The following BBS9 variants were observed in gnomAD, a reference collection of about 807,000 sequenced individuals.
BBS9 encodes Bardet-Biedl syndrome 9.
A neutral mutation model predicts 117.7 loss-of-function variants in BBS9; 89 were observed. That is an observed-to-expected ratio of 0.76 (90% CI 0.64 to 0.90). The LOEUF (loss-of-function observed/expected upper bound fraction) is 0.90. BBS9 is among the 40% of genes least tolerant of loss of function. The probability of loss-of-function intolerance (pLI) is 0.00; values close to 1 mark genes in which losing one functional copy is unlikely to be tolerated. For synonymous variants in BBS9, 379 were observed against 370.9 expected, an observed-to-expected ratio of 1.02 and a Z score of -0.25; for missense variants, 982 against 1,042.2, an observed-to-expected ratio of 0.94 and a Z score of 0.80.
intron 19 of BBS9, among the ~76,000 whole-genome samples, chr7:33,490,019 T>C (rs904064148): frequency 1.2e-4 from 19 of 152,224 alleles, no homozygotes; most frequent in Admixed American, 3.3e-4. Context: ...AGATTTCTAG[T>C]AAATGGATTC....
downstream of BBS9, among the ~76,000 whole-genome samples, chr7:33,635,663 G>GT (rs1866107447): frequency 2.0e-5 from 3 of 152,184 alleles, no homozygotes; most frequent in Non-Finnish European, 4.4e-5. Flanking sequence ...CTTAGTCACT[G>GT]TTAGGTATCC....
intron 11 of BBS9, among the ~76,000 whole-genome samples, chr7:33,344,298 T>C (rs1357587878): frequency 1.3e-5 from 2 of 151,682 alleles, no homozygotes; most frequent in Non-Finnish European, 2.9e-5. Context: ...CTCGATCTCC[T>C]GACCTCATAA....
chr7:33,551,624 G>T (rs1000491351), intron 21 of BBS9, among the ~76,000 whole-genome samples: 14 of 152,142 alleles, frequency 9.2e-5, no homozygotes, highest in African/African-American at 3.4e-4. Flanking sequence ...CATGGTTCCA[G>T]GTACTGGGGG....
intron 21 of BBS9, among the ~76,000 whole-genome samples, chr7:33,602,204 C>T (rs905751720): frequency 3.0e-5 from 3 of 100,426 alleles, no homozygotes; most frequent in African/African-American, 2.6e-4. Flanking sequence ...GCAGGTGCAG[C>T]TACACAGCCC....
chr7:33,271,914 C>T (rs1047654147), intron 7 of BBS9, among the ~76,000 whole-genome samples: 6 of 152,158 alleles, frequency 3.9e-5, no homozygotes, highest in African/African-American at 7.2e-5. Flanking sequence ...TCATTCTTCT[C>T]GTCACCACAT....
In BBS9 at chr7:33,349,176, T is replaced by G; in HGVS notation, c.1432+6T>G. 1 of 1,599,490 alleles carries G rather than the reference T, an allele frequency of 6.3e-7. No individual in the cohort carries two copies. Among genetic ancestry groups the G allele is most frequent in the Non-Finnish European group, 8.6e-7 (1 of 1,167,084 alleles). On this transcript the variant is annotated splice_donor_region_variant and intron_variant, in intron 13 of 22. Transcript: ENST00000242067. ...GTTCACCTTTGAATTTATGAGTAAGTTTTTTGTTTTGGCTGAAAGTCTACC... is the reference window on the plus strand; with the variant it reads ...GTTCACCTTTGAATTTATGAGTAAGGTTTTTGTTTTGGCTGAAAGTCTACC...
rs185841787 is a variant in BBS9, at chr7:33,316,754, T to C, written c.1017-19687T>C. Among the ~76,000 whole-genome samples the C allele has an allele frequency of 4.6e-5, 7 of 152,320 alleles. No homozygotes were observed. In the East Asian group the frequency reaches 1.4e-3, roughly 29 times the overall value. ...ATTTTTTTTTGGTTGTTATAGTAGT[T>C]CTTTATATAGAAGGACGCAAGTCCT... On this transcript the variant is annotated intron_variant, in intron 9 of 22. Coordinates refer to ENST00000242067, the MANE Select transcript of BBS9 (RefSeq NM_198428.3).
intron 9 of BBS9, among the ~76,000 whole-genome samples, chr7:33,289,717 G>A (rs1217822017): frequency 6.6e-6 from 1 of 151,908 alleles, no homozygotes; most frequent in East Asian, 1.9e-4. Context: ...CTTGTAAATG[G>A]GTAGTTACAA....
At chr7:33,398,827 A>G (rs73103505) in intron 19 of BBS9, among the ~76,000 whole-genome samples, 378 of 152,286 alleles carry the variant, frequency 2.5e-3, no homozygotes, top group Non-Finnish European at 4.2e-3. Flanking sequence ...CTGGGACTAC[A>G]GGCACGCGCC....
chr7:33,354,436 C>T (rs1037959458), intron 15 of BBS9, among the ~76,000 whole-genome samples: 2 of 152,012 alleles, frequency 1.3e-5, no homozygotes, highest in African/African-American at 2.4e-5. Flanking sequence ...AGTTACATGG[C>T]GTGAGCAGTG....
chr7:33,181,780 C>T (rs1263932574), intron 5 of BBS9, among the ~76,000 whole-genome samples: 1 of 152,134 alleles, frequency 6.6e-6, no homozygotes, highest in Non-Finnish European at 1.5e-5. Flanking sequence ...GGCTTTTTCC[C>T]ATCTAACTTA....
At chr7:33,409,817 A>G (rs1417348477) in intron 19 of BBS9, among the ~76,000 whole-genome samples, 1 of 152,204 alleles carries the variant, frequency 6.6e-6, no homozygotes, top group Non-Finnish European at 1.5e-5. Context: ...AATTTACCAT[A>G]TACATTTCTG....
intron 21 of BBS9, among the ~76,000 whole-genome samples, chr7:33,556,322 C>T (rs1187496279): frequency 6.6e-6 from 1 of 152,118 alleles, no homozygotes; most frequent in Non-Finnish European, 1.5e-5. Flanking sequence ...ATTATTTAAC[C>T]ACGCCTCAAG....
chr7:33,551,137 T>C (rs755260394), intron 21 of BBS9, among the ~76,000 whole-genome samples: 3 of 152,160 alleles, frequency 2.0e-5, no homozygotes, highest in Non-Finnish European at 4.4e-5. Context: ...ATTTTTAGCA[T>C]TTGTTAAAAA....
rs111381914 is a variant in BBS9 at position 33,133,788 on chromosome 7, A to G, written c.-12+3747A>G. ...TATGTGTAAGTTTTTTTGTATGCAC[A>G]TATGTTTTCATTGCCCTTGGATAGA... is the stretch of plus-strand genomic sequence containing the variant. On this transcript the variant is annotated intron_variant, in intron 1 of 22. Transcript: ENST00000242067. 4.6e-5 allele frequency among the ~76,000 whole-genome samples: 7 copies of G among 152,292 alleles called. 1 individual carries two copies. The highest frequency in any genetic ancestry group is 1.7e-4 in the African/African-American group (7 of 41,568).
chr7:33,329,960 G>T (rs1320194581), intron 9 of BBS9, among the ~76,000 whole-genome samples: 1 of 151,718 alleles, frequency 6.6e-6, no homozygotes, highest in Non-Finnish European at 1.5e-5. Context: ...GTTGGGTATA[G>T]TATCATTTTC....
chr7:33,246,880 A>T (rs1795420514), intron 5 of BBS9, among the ~76,000 whole-genome samples: 3 of 152,150 alleles, frequency 2.0e-5, no homozygotes, highest in Non-Finnish European at 2.9e-5. Context: ...CACTCACAAT[A>T]TTCTTCTTTA....
chr7:33,606,232 A>G (rs1309272998), downstream of BBS9, among the ~76,000 whole-genome samples: 1 of 152,208 alleles, frequency 6.6e-6, no homozygotes, highest in Non-Finnish European at 1.5e-5. Context: ...ATTTATAGCC[A>G]TGATATGAGC....
At chr7:33,211,753 T>C (rs1472210770) in intron 5 of BBS9, among the ~76,000 whole-genome samples, 2 of 152,218 alleles carry the variant, frequency 1.3e-5, no homozygotes, top group Non-Finnish European at 2.9e-5. Context: ...AGAACTTCTT[T>C]AGCATTTCTT....
Sources: gnomAD v4.1 joint callset for allele counts (sites outside exome capture counted in the v4.1 genomes callset) on GRCh38, gnomAD v4.1.1 for gene constraint, MANE v1.5 for transcripts, NCBI Gene and HGNC (gene_info 2026-07-23, HGNC 2026-07-21) for gene names.